Variants in SLC6A17 observed in about 807,000 individuals in gnomAD.
SLC6A17 encodes the protein sodium-dependent neutral amino acid transporter SLC6A17.
In SLC6A17, 21 loss-of-function variants were observed where a neutral mutation model predicts 64.5. That is an observed-to-expected ratio of 0.33 (90% confidence interval 0.23 to 0.47). The LOEUF (loss-of-function observed/expected upper bound fraction) is 0.47, where lower values mean the gene tolerates loss of function less well. Ranked by LOEUF, SLC6A17 falls within the 20% of genes least tolerant of loss-of-function variation. The pLI is 1.00. For missense variants in SLC6A17, 682 were observed against 963.2 expected, an observed-to-expected ratio of 0.71 and a Z score of 3.86; for synonymous variants, 372 against 399.5, an observed-to-expected ratio of 0.93 and a Z score of 0.82.
chr1:110,195,571 C>T lies in SLC6A17; in HGVS notation c.1493-15C>T, dbSNP rs758076603. On this transcript the variant is annotated splice_polypyrimidine_tract_variant and intron_variant, in intron 9 of 11. Transcript: ENST00000331565. ...TGCACCTTTGCCCCCAAACCGGCCTCCCGGCTCTCTGTAGTGGGCTGCTGT... is the reference window on the plus strand; with the variant it reads ...TGCACCTTTGCCCCCAAACCGGCCTTCCGGCTCTCTGTAGTGGGCTGCTGT... The T allele has an allele frequency of 1.2e-6, 2 of 1,613,648 alleles. No homozygotes were observed. Among genetic ancestry groups the T allele is most frequent in the Non-Finnish European group, 1.7e-6 (2 of 1,179,916 alleles).
Position 110,197,604 on chromosome 1 carries a change from G to A in SLC6A17, c.1815+5G>A, listed in dbSNP as rs750477082. 1 of 1,588,108 alleles carries A rather than the reference G, an allele frequency of 6.3e-7. No homozygotes were observed. Among genetic ancestry groups the A allele is most frequent in the Non-Finnish European group, 8.6e-7 (1 of 1,169,458 alleles). The stretch of plus-strand genomic sequence containing the variant: ...AGCGCCTGGATCAAGGAGGAGGTGA[G>A]GGGTGGGGCCCCAAACCCCAGGGAC... On this transcript the variant is annotated splice_donor_5th_base_variant and intron_variant, in intron 11 of 11. Transcript: ENST00000331565.
intron 2 of SLC6A17, among the ~76,000 whole-genome samples, chr1:110,170,652 C>T (rs1009943826): frequency 6.6e-6 from 1 of 152,232 alleles, no homozygotes; most frequent in African/African-American, 2.4e-5. Flanking sequence ...AGCCCTCTCT[C>T]CTTTGAGCAC....
At chr1:110,193,544 A>G (rs1298783888) in intron 8 of SLC6A17, among the ~76,000 whole-genome samples, 1 of 152,226 alleles carries the variant, frequency 6.6e-6, no homozygotes, top group Admixed American at 6.5e-5. Flanking sequence ...GCCTGGGTCA[A>G]CCCTGTCCTT....
At position 110,174,827 on chromosome 1, in the gene SLC6A17, A is replaced by G; in HGVS notation, c.620A>G (p.Tyr207Cys). The stretch of plus-strand genomic sequence containing the variant: ...AGCTCAGCCACTACCTACTTCTGGT[A>G]CCGAGAGGCCTTGGACATCTCTGAC... ...EKSSATTYFW[Y>C]REALDISDSI... Residue 207 changes from tyrosine to cysteine, a missense_variant, in exon 5 of 12, where the codon TAC becomes TGC. This residue lies in a region of SLC6A17 where 415 missense variants were observed against 603.8 expected (regional missense o/e 0.69). Transcript: ENST00000331565. 6.2e-7 allele frequency: 1 copy of G among 1,614,174 alleles called. No individual in the cohort carries two copies. Among genetic ancestry groups the G allele is most frequent in the Non-Finnish European group, 8.5e-7 (1 of 1,180,024 alleles).
In SLC6A17 at chr1:110,200,308, GGAGA is replaced by G. The variant is rs138384358; in HGVS notation, c.*1871_*1874del. The G allele has an allele frequency of 7.7e-3, 2,989 of 386,182 alleles. 81 individuals are homozygous for G. The highest frequency in any genetic ancestry group is 0.057 in the African/African-American group (2,754 of 48,262). 23.9% of individuals were successfully genotyped at this position (386,182 alleles called of 1,614,324 possible). A position where few individuals can be genotyped will look rare whatever the true frequency, so the allele number is the denominator to read the frequency against. The stretch of plus-strand genomic sequence containing the variant: ...ACCTGTCTTTCCTGAGTGTTTGAGG[GGAGA>G]GAGAGACCCACATCTCCCCAAAGAG... On this transcript the variant is annotated 3_prime_UTR_variant, in exon 12 of 12. Coordinates refer to ENST00000331565, the MANE Select transcript of SLC6A17 (RefSeq NM_001010898.4).
At chr1:110,153,359 C>T (rs1655657597) in intron 1 of SLC6A17, among the ~76,000 whole-genome samples, 1 of 152,136 alleles carries the variant, frequency 6.6e-6, no homozygotes, top group Admixed American at 6.5e-5. Flanking sequence ...TCCTGTTTTC[C>T]TGAAGGACCC....
chr1:110,195,019 C>T, intron 9 of SLC6A17: 1 of 551,682 alleles, frequency 1.8e-6, no homozygotes, highest in South Asian at 2.0e-5. Context: ...TGTTAGTTCA[C>T]TTGCCCCTCT....
intron 1 of SLC6A17, among the ~76,000 whole-genome samples, chr1:110,156,450 C>G (rs768377080): frequency 6.6e-6 from 1 of 152,042 alleles, no homozygotes; most frequent in Non-Finnish European, 1.5e-5. Context: ...TCCGTGTACC[C>G]CAGTGTGCCA....
intron 1 of SLC6A17, among the ~76,000 whole-genome samples, chr1:110,155,260 T>A (rs1655725686): frequency 6.6e-6 from 1 of 152,218 alleles, no homozygotes; most frequent in Admixed American, 6.5e-5. Flanking sequence ...TAATTCTCTT[T>A]CTCTTCCTTC....
Position 110,192,373 on chromosome 1 carries a change from C to T in SLC6A17, c.1107-133C>T, listed in dbSNP as rs1656850181. 4 of 1,441,794 alleles carry T rather than the reference C, an allele frequency of 2.8e-6. No individual in the cohort carries two copies. The highest frequency in any genetic ancestry group is 2.8e-5 in the African/African-American group (2 of 70,414). The allele number at this position is 1,441,794 out of a possible 1,614,324, so 89.3% of individuals were successfully genotyped here. On this transcript the variant is annotated intron_variant, in intron 7 of 11. Transcript: ENST00000331565. The surrounding 1 kb of genome is among the most constrained non-coding windows in gnomAD (Gnocchi z 4.3). ...ACTCTCTGTCCCCAGCTCCGGGCCA[C>T]AGGGACAAGCTCAGAGATGCCTCTG... is the stretch of plus-strand genomic sequence containing the variant.
chr1:110,154,981 G>A lies in SLC6A17; in HGVS notation c.-88+4098G>A, dbSNP rs371319259. On this transcript the variant is annotated intron_variant, in intron 1 of 11. Transcript: ENST00000331565. ...TCCTCACTCCAAAACTCTGCCACACGTGTCCGTGGCCGTTCTGGGAAACAT... is the reference window on the plus strand; with the variant it reads ...TCCTCACTCCAAAACTCTGCCACACATGTCCGTGGCCGTTCTGGGAAACAT... Among the ~76,000 whole-genome samples the A allele has an allele frequency of 1.1e-4, 17 of 152,158 alleles. No homozygotes were observed. In the South Asian group the frequency reaches 3.1e-3, roughly 28 times the overall value.
chr1:110,187,584 A>G (rs1321581141), intron 6 of SLC6A17, among the ~76,000 whole-genome samples: 1 of 152,236 alleles, frequency 6.6e-6, no homozygotes, highest in Non-Finnish European at 1.5e-5. Flanking sequence ...TAATCTCAAC[A>G]TACCTTCTTT....
intron 4 of SLC6A17, 103 bp from the exon 5 acceptor site, chr1:110,174,676 C>T (rs112043573): frequency 3.5e-6 from 5 of 1,428,220 alleles, no homozygotes; most frequent in Non-Finnish European, 4.8e-6. Flanking sequence ...TGCCCACCCT[C>T]AGCAGCTCCC....
chr1:110,154,278 C>A (rs544843807), intron 1 of SLC6A17, among the ~76,000 whole-genome samples: 3 of 152,344 alleles, frequency 2.0e-5, no homozygotes, highest in African/African-American at 7.2e-5. Context: ...TGTTCAAGGT[C>A]ACACAGGTGA....
intron 5 of SLC6A17, 29 bp from the exon 6 acceptor site, chr1:110,176,600 C>G (rs1656380602): frequency 6.2e-7 from 1 of 1,606,468 alleles, no homozygotes; most frequent in Non-Finnish European, 8.5e-7. Context: ...AGGGCTCTGC[C>G]TGATGGGGGT....
intron 6 of SLC6A17, among the ~76,000 whole-genome samples, chr1:110,183,856 GGGA>G (rs1656597231): frequency 6.6e-6 from 1 of 152,142 alleles, no homozygotes; most frequent in African/African-American, 2.4e-5. Flanking sequence ...AGAGCAGGAA[GGGA>G]GGAGGAGGAC....
intron 6 of SLC6A17, among the ~76,000 whole-genome samples, chr1:110,188,219 T>A (rs1349709542): frequency 6.6e-6 from 1 of 152,244 alleles, no homozygotes; most frequent in African/African-American, 2.4e-5. Context: ...CAAAAGCTTG[T>A]ATTCCAAAAC....
At chr1:110,171,118 T>C (rs1290665522) in intron 2 of SLC6A17, among the ~76,000 whole-genome samples, 1 of 152,172 alleles carries the variant, frequency 6.6e-6, no homozygotes. Flanking sequence ...TGTTATGTTA[T>C]GGGGGCAGAG....
intron 6 of SLC6A17, 53 bp from the exon 7 acceptor site, chr1:110,191,919 A>C: frequency 6.3e-7 from 1 of 1,583,998 alleles, no homozygotes; most frequent in Non-Finnish European, 8.6e-7. Context: ...ACATGAATAA[A>C]ACCATCCCCT....
Sources: gnomAD v4.1 joint callset for allele counts (sites outside exome capture counted in the v4.1 genomes callset) on GRCh38, gnomAD v4.1.1 for gene constraint, gnomAD v4.1.1 regional missense constraint, Gnocchi (gnomAD v3.1) non-coding constraint, MANE v1.5 for transcripts, NCBI Gene and HGNC (gene_info 2026-07-23, HGNC 2026-07-21) for gene names.